The following GC variants were observed in gnomAD, a reference collection of about 807,000 sequenced individuals.
GC encodes GC vitamin D binding protein.
A neutral mutation model predicts 56.7 loss-of-function variants in GC; 43 were observed. The observed-to-expected ratio is 0.76, with a 90% CI of 0.59 to 0.98. The LOEUF (loss-of-function observed/expected upper bound fraction) is 0.98. Ranked by LOEUF, GC falls within the 50% of genes least tolerant of loss-of-function variation. The pLI is 0.00. For missense variants in GC, 529 were observed against 545.9 expected, an observed-to-expected ratio of 0.97 and a Z score of 0.31; for synonymous variants, 216 against 202.7, an observed-to-expected ratio of 1.07 and a Z score of -0.56.
chr4:71,746,187 T>C lies in GC; in HGVS notation c.1414A>G (p.Asn472Asp). The change falls in exon 12 of 13, where the codon AAT (asparagine) becomes GAT (aspartate). Residue 472 changes from asparagine to aspartate, a missense_variant. Asn to Asp is a conservative substitution (Grantham distance 23). Coordinates refer to ENST00000273951, the MANE Select transcript of GC (RefSeq NM_000583.4). ...CDSEIDAELKNIL is the reference protein window; with the variant it reads ...CDSEIDAELKDIL ...AACATGCTTCAGGACTACAGGATAT[T>C]CTTCAATTCAGCATCAATCTGATAA... 1 of 1,347,722 alleles carries C rather than the reference T, an allele frequency of 7.4e-7. No homozygotes were observed. The highest frequency in any genetic ancestry group is 1.1e-6 in the Non-Finnish European group (1 of 942,192). 83.5% of individuals were successfully genotyped at this position (1,347,722 alleles called of 1,614,324 possible). A position where few individuals can be genotyped will look rare whatever the true frequency, so the allele number is the denominator to read the frequency against.
chr4:71,788,177 G>A (rs544465392), upstream of GC, among the ~76,000 whole-genome samples: 7 of 141,820 alleles, frequency 4.9e-5, no homozygotes, highest in South Asian at 9.9e-4. Context: ...TGAAAGACAT[G>A]CTAGAATTCT....
intron 12 of GC, 120 bp from the exon 13 acceptor site, chr4:71,741,990 C>T: frequency 1.5e-6 from 1 of 683,408 alleles, no homozygotes; most frequent in Non-Finnish European, 2.7e-6. Flanking sequence ...CCAAAAATGA[C>T]TCTGTCTAGG....
At chr4:71,780,449 C>T (rs1003158239) in intron 1 of GC, among the ~76,000 whole-genome samples, 1 of 152,050 alleles carries the variant, frequency 6.6e-6, no homozygotes, top group African/African-American at 2.4e-5. Flanking sequence ...GAACAGCAAC[C>T]TACAGAATGG....
chr4:71,765,187 A>G (rs893146180), intron 4 of GC, among the ~76,000 whole-genome samples: 1 of 152,166 alleles, frequency 6.6e-6, no homozygotes, highest in Admixed American at 6.5e-5. Context: ...AGGATACTCA[A>G]GTGATTCTGG....
In GC at chr4:71,756,875, TG is replaced by T; in HGVS notation, c.870del (p.Thr291GlnfsTer36). ...CAGTCTTCAAACTTAGAATTCTTTG[TG>T]GATAAATTGTCACAGAGTTTTACTG... is the stretch of plus-strand genomic sequence containing the variant. ...EHTVKLCDNL[S>X]TKNSKFEDCC... On this transcript the variant is annotated frameshift_variant, in exon 8 of 13. Transcript: ENST00000273951. LOFTEE classifies it high-confidence loss of function. 1 of 1,613,774 alleles carries T rather than the reference TG, an allele frequency of 6.2e-7. No individual in the cohort carries two copies. Among genetic ancestry groups the T allele is most frequent in the African/African-American group, 1.3e-5 (1 of 75,034 alleles).
In GC at chr4:71,760,253, C is replaced by T. The variant is rs528154665; in HGVS notation, c.702-2082G>A. Among the ~76,000 whole-genome samples the T allele has an allele frequency of 9.3e-5, 14 of 149,770 alleles. No homozygotes were observed. The East Asian group carries it at 1.8e-3, about 19-fold the overall frequency. On this transcript the variant is annotated intron_variant, in intron 6 of 12. Coordinates refer to ENST00000273951, the MANE Select transcript of GC (RefSeq NM_000583.4). ...ATTTTTAGTAGAGACGGGGTTTCAT[C>T]GTGTTAGCCAGGATGATCTCGATCT... is the stretch of plus-strand genomic sequence containing the variant.
At chr4:71,777,885 G>A (rs748998680) in intron 1 of GC, among the ~76,000 whole-genome samples, 27 of 151,558 alleles carry the variant, frequency 1.8e-4, no homozygotes, top group Non-Finnish European at 2.8e-4. Flanking sequence ...GGGGCCTGTC[G>A]GGGGTTGAGG....
chr4:71,794,353 A>G (rs1235317896), intron 1 of GC, among the ~76,000 whole-genome samples: 1 of 152,172 alleles, frequency 6.6e-6, no homozygotes, highest in African/African-American at 2.4e-5. Flanking sequence ...TGGTCTATTC[A>G]GAGATTCAAA....
At chr4:71,742,905 C>T (rs1229707481) in intron 12 of GC, among the ~76,000 whole-genome samples, 1 of 152,104 alleles carries the variant, frequency 6.6e-6, no homozygotes, top group Non-Finnish European at 1.5e-5. Flanking sequence ...ACCTGGGAGG[C>T]GGAGCTTGCG....
Position 71,746,168 on chromosome 4 carries a change from C to T in GC, c.*8G>A, listed in dbSNP as rs764540894. 1 of 1,288,162 alleles carries T rather than the reference C, an allele frequency of 7.8e-7. No homozygotes were observed. Among genetic ancestry groups the T allele is most frequent in the Non-Finnish European group, 1.1e-6 (1 of 887,676 alleles). The allele number at this position is 1,288,162 out of a possible 1,614,324, so 79.8% of individuals were successfully genotyped here. A position where few individuals can be genotyped will look rare whatever the true frequency, so the allele number is the denominator to read the frequency against. The stretch of plus-strand genomic sequence containing the variant: ...ATACTTACCAAAGTTAATAAACATG[C>T]TTCAGGACTACAGGATATTCTTCAA... On this transcript the variant is annotated 3_prime_UTR_variant, in exon 12 of 13. Coordinates refer to ENST00000273951, the MANE Select transcript of GC (RefSeq NM_000583.4).
intron 1 of GC, among the ~76,000 whole-genome samples, chr4:71,796,417 T>G (rs572516757): frequency 1.3e-4 from 20 of 152,352 alleles, no homozygotes; most frequent in Admixed American, 2.6e-4. Flanking sequence ...TAATTTGATC[T>G]TCAATCGCTG....
intron 6 of GC, among the ~76,000 whole-genome samples, chr4:71,762,107 C>G (rs943444910): frequency 6.6e-6 from 1 of 152,212 alleles, no homozygotes; most frequent in African/African-American, 2.4e-5. Flanking sequence ...CAATGACAGC[C>G]TTTGAAAGCA....
chr4:71,747,161 TAA>T (rs1741403125), intron 11 of GC, among the ~76,000 whole-genome samples: 1 of 152,120 alleles, frequency 6.6e-6, no homozygotes. Flanking sequence ...TCAAAAAACA[TAA>T]GAGCAGTTTA....
At chr4:71,754,569 C>G in intron 9 of GC, 61 bp from the exon 10 acceptor site, 2 of 876,024 alleles carry the variant, frequency 2.3e-6, no homozygotes, top group African/African-American at 1.7e-5. Context: ...TCCCATCAAG[C>G]CATTAAATCA....
At chr4:71,778,714 A>T (rs1284135850) in intron 1 of GC, among the ~76,000 whole-genome samples, 1 of 151,862 alleles carries the variant, frequency 6.6e-6, no homozygotes, top group South Asian at 2.1e-4. Flanking sequence ...CCATATGAGG[A>T]TGTATTTTAT....
At chr4:71,742,399 G>A (rs797001881) in intron 12 of GC, among the ~76,000 whole-genome samples, 4 of 152,228 alleles carry the variant, frequency 2.6e-5, no homozygotes, top group African/African-American at 9.6e-5. Context: ...CTATTTGCAC[G>A]GTGTAAAAAA....
intron 7 of GC, among the ~76,000 whole-genome samples, chr4:71,757,216 C>A (rs1413297293): frequency 6.6e-6 from 1 of 151,964 alleles, no homozygotes; most frequent in African/African-American, 2.4e-5. Flanking sequence ...ACCAACACAA[C>A]CTAAATACAA....
rs1741192684 is a variant in GC, at chr4:71,741,793, T to C, written c.*103A>G. ...CTAGAAAAAGTAGAAAGTATCCTAG[T>C]TGTCTTCCCAGAAGCTCAGTGGTTT... On this transcript the variant is annotated 3_prime_UTR_variant, in exon 13 of 13. Coordinates refer to ENST00000273951, the MANE Select transcript of GC (RefSeq NM_000583.4). 4 of 702,374 alleles carry C rather than the reference T, an allele frequency of 5.7e-6. No homozygotes were observed. The highest frequency in any genetic ancestry group is 1.0e-5 in the Non-Finnish European group (4 of 384,884). 43.5% of individuals were successfully genotyped at this position (702,374 alleles called of 1,614,324 possible).
intron 1 of GC, among the ~76,000 whole-genome samples, chr4:71,800,936 T>G (rs894395699): frequency 6.6e-6 from 1 of 152,192 alleles, no homozygotes; most frequent in African/African-American, 2.4e-5. Context: ...TGGCAATGGA[T>G]TTTTAGATAC....
Sources: allele counts gnomAD v4.1 joint callset (sites outside exome capture counted in the v4.1 genomes callset), GRCh38; gene constraint gnomAD v4.1.1; transcripts MANE v1.5; gene names NCBI Gene and HGNC (gene_info 2026-07-23, HGNC 2026-07-21).